GALNTL6: variants seen among roughly 807,000 people sequenced by gnomAD.
GALNTL6 encodes the protein polypeptide N-acetylgalactosaminyltransferase like 6.
A neutral mutation model predicts 73.7 loss-of-function variants in GALNTL6; 46 were observed. The ratio of observed to expected loss-of-function variants is 0.62; its 90% CI spans 0.49 to 0.80. GALNTL6 has a LOEUF of 0.80. Among genes scored for constraint, GALNTL6 ranks in the 30% least tolerant of loss-of-function variants. GALNTL6 has a pLI of 0.00. For synonymous variants in GALNTL6, 259 were observed against 263.7 expected (o/e 0.98, Z 0.17); for missense variants, 604 against 755.0 (o/e 0.80, Z 2.34).
chr4:172,161,791 G>T (rs1734475822), intron 2 of GALNTL6, among the ~76,000 whole-genome samples: 1 of 152,028 alleles, frequency 6.6e-6, no homozygotes, highest in Non-Finnish European at 1.5e-5. Context: ...GAGTTGGAAG[G>T]ATACCAGAAT....
intron 5 of GALNTL6, among the ~76,000 whole-genome samples, chr4:172,404,788 T>C (rs577460942): frequency 1.9e-4 from 29 of 152,108 alleles, no homozygotes; most frequent in Non-Finnish European, 3.4e-4. Flanking sequence ...TGAAGTGTAA[T>C]TATATTGCTT....
At chr4:171,835,091 A>T (rs1416625441) in intron 2 of GALNTL6, among the ~76,000 whole-genome samples, 1 of 152,046 alleles carries the variant, frequency 6.6e-6, no homozygotes, top group Admixed American at 6.6e-5. Flanking sequence ...TGAAAGAAAG[A>T]TTGACAAACA....
chr4:172,258,601 C>A (rs1738159773), intron 3 of GALNTL6, among the ~76,000 whole-genome samples: 1 of 150,948 alleles, frequency 6.6e-6, no homozygotes, highest in Non-Finnish European at 1.5e-5. Context: ...TTTAAATTTT[C>A]TTCTATTTTA....
chr4:172,261,698 A>G (rs1560994957), intron 3 of GALNTL6, among the ~76,000 whole-genome samples: 4 of 151,120 alleles, frequency 2.6e-5, no homozygotes, highest in Admixed American at 6.6e-5. Context: ...TAGATTGTCT[A>G]ATTATGCTCT....
chr4:172,196,713 T>A (rs1281054030), intron 2 of GALNTL6, among the ~76,000 whole-genome samples: 1 of 152,210 alleles, frequency 6.6e-6, no homozygotes, highest in Non-Finnish European at 1.5e-5. Flanking sequence ...TCTCAATAGA[T>A]GCAGAAAAAG....
At position 172,705,034 on chromosome 4, in the gene GALNTL6, A is replaced by G. The variant is rs568008687; in HGVS notation, c.554-104327A>G. ...CCCTTTTGTGGTTTCAATTTATATAAAATATATTCTTCTATTTTTTCTATT... is the reference window on the plus strand; with the variant it reads ...CCCTTTTGTGGTTTCAATTTATATAGAATATATTCTTCTATTTTTTCTATT... On this transcript the variant is annotated intron_variant, in intron 5 of 12. Transcript: ENST00000506823. Among the ~76,000 whole-genome samples the G allele has an allele frequency of 7.2e-5, 11 of 152,000 alleles. No homozygotes were observed. In the East Asian group the frequency reaches 2.1e-3, roughly 29 times the overall value.
At chr4:172,962,723 G>A (rs1750140336) in intron 10 of GALNTL6, among the ~76,000 whole-genome samples, 1 of 152,090 alleles carries the variant, frequency 6.6e-6, no homozygotes, top group Non-Finnish European at 1.5e-5. Flanking sequence ...CCACCTGCTT[G>A]TCTGCGCCAG....
chr4:171,899,489 C>T (rs995655303), intron 2 of GALNTL6, among the ~76,000 whole-genome samples: 1 of 151,958 alleles, frequency 6.6e-6, no homozygotes, highest in South Asian at 2.1e-4. Context: ...GCAGGAAAAT[C>T]GTTTATTTAA....
intron 2 of GALNTL6, among the ~76,000 whole-genome samples, chr4:171,966,153 A>AC (rs1739375843): frequency 6.6e-6 from 1 of 152,184 alleles, no homozygotes; most frequent in Admixed American, 6.5e-5. Flanking sequence ...AGATTCCTAT[A>AC]CTGTTAGTCA....
rs1738893978 is a variant in GALNTL6 at position 172,773,460 on chromosome 4, A to G, written c.554-35901A>G. On this transcript the variant is annotated intron_variant, in intron 5 of 12. Transcript: ENST00000506823. ...ATTATGCAGAATATTCTTTTGCCAAAATTTATGCAGAATATTCTTCATATA... is the reference window on the plus strand; with the variant it reads ...ATTATGCAGAATATTCTTTTGCCAAGATTTATGCAGAATATTCTTCATATA... 3.3e-5 allele frequency among the ~76,000 whole-genome samples: 5 copies of G among 152,130 alleles called. 1 individual carries two copies. The South Asian group carries it at 1.0e-3, about 32-fold the overall frequency.
At chr4:172,066,008 G>A (rs1731350968) in intron 2 of GALNTL6, among the ~76,000 whole-genome samples, 1 of 152,136 alleles carries the variant, frequency 6.6e-6, no homozygotes, top group South Asian at 2.1e-4. Flanking sequence ...TGGGGACACA[G>A]AGCCAAACAA....
chr4:172,090,812 G>A (rs923119826), intron 2 of GALNTL6, among the ~76,000 whole-genome samples: 1 of 152,086 alleles, frequency 6.6e-6, no homozygotes, highest in Non-Finnish European at 1.5e-5. Flanking sequence ...TTCTTCTAGG[G>A]TTTTTATGGT....
chr4:171,923,506 T>A (rs539054857), intron 2 of GALNTL6, among the ~76,000 whole-genome samples: 61 of 151,440 alleles, frequency 4.0e-4, no homozygotes, highest in African/African-American at 1.4e-3. Context: ...CACGCCATTC[T>A]GTTGTCTCAG....
chr4:172,314,733 G>A (rs1740485070), intron 4 of GALNTL6, among the ~76,000 whole-genome samples: 1 of 145,732 alleles, frequency 6.9e-6, no homozygotes, highest in African/African-American at 2.5e-5. Context: ...TCAGCCTCCC[G>A]AGTAGCTGAG....
At chr4:172,051,411 T>C (rs1251578400) in intron 2 of GALNTL6, among the ~76,000 whole-genome samples, 2 of 152,122 alleles carry the variant, frequency 1.3e-5, no homozygotes, top group African/African-American at 4.8e-5. Flanking sequence ...AGGTCACACA[T>C]GGACTTGAAG....
intron 2 of GALNTL6, among the ~76,000 whole-genome samples, chr4:172,135,425 G>C (rs1487989821): frequency 6.6e-6 from 1 of 151,468 alleles, no homozygotes; most frequent in Non-Finnish European, 1.5e-5. Flanking sequence ...GAGAGAGAGA[G>C]AGAAAGAGAG....
rs1322274611 is a variant in GALNTL6, at chr4:172,952,101, C to T, written c.1214C>T (p.Pro405Leu). 1.2e-6 allele frequency: 2 copies of T among 1,614,088 alleles called. No individual in the cohort carries two copies. Among genetic ancestry groups the T allele is most frequent in the Middle Eastern group, 1.6e-4 (1 of 6,062 alleles). ...GCCGAGTACATTTACCAGCGGCGGC[C>T]GGAGTACAGGCATCTCTCCACGGGG... ...EFAEYIYQRR[P>L]EYRHLSTGDI... Residue 405 changes from proline (P) to leucine (L), a missense_variant, in exon 10 of 13, where the codon CCG (proline) becomes CTG (leucine). This residue lies in a region of GALNTL6 where 261 missense variants were observed against 296.5 expected (regional missense o/e 0.88). Transcript: ENST00000506823.
At chr4:172,543,587 C>T (rs944780035) in intron 5 of GALNTL6, among the ~76,000 whole-genome samples, 3 of 152,028 alleles carry the variant, frequency 2.0e-5, no homozygotes, top group African/African-American at 7.2e-5. Flanking sequence ...AATTTCAAAG[C>T]GACAGAGAAA....
intron 5 of GALNTL6, among the ~76,000 whole-genome samples, chr4:172,607,123 CA>C (rs961718061): frequency 2.0e-5 from 3 of 151,280 alleles, no homozygotes; most frequent in Non-Finnish European, 4.4e-5. Flanking sequence ...GGTCACCCCC[CA>C]AAAAAAATAA....
Sources: allele counts gnomAD v4.1 joint callset (sites outside exome capture counted in the v4.1 genomes callset), GRCh38; gene constraint gnomAD v4.1.1; regional missense constraint gnomAD v4.1.1; transcripts MANE v1.5; gene names NCBI Gene and HGNC (gene_info 2026-07-23, HGNC 2026-07-21).